Variants in SPECC1 observed in about 807,000 individuals in gnomAD.
SPECC1 encodes sperm antigen with calponin homology and coiled-coil domains 1.
A neutral mutation model predicts 104.1 loss-of-function variants in SPECC1; 62 were observed. The observed-to-expected ratio is 0.60, with a 90% confidence interval of 0.49 to 0.74. The LOEUF is 0.74. SPECC1 is among the 30% of genes least tolerant of loss of function. SPECC1 has a pLI of 0.00. For synonymous variants in SPECC1, 513 were observed against 501.6 expected, an observed-to-expected ratio of 1.02 and a Z score of -0.30; for missense variants, 1,306 against 1,310.5, an observed-to-expected ratio of 1.00 and a Z score of 0.05.
intron 3 of SPECC1, among the ~76,000 whole-genome samples, chr17:20,168,418 C>T (rs2033832823): frequency 6.6e-6 from 1 of 152,172 alleles, no homozygotes; most frequent in Non-Finnish European, 1.5e-5. Context: ...ACCTCATAAA[C>T]ATTTAATTCC....
chr17:20,084,668 A>G (rs2047109041), intron 1 of SPECC1, among the ~76,000 whole-genome samples: 1 of 152,200 alleles, frequency 6.6e-6, no homozygotes, highest in African/African-American at 2.4e-5. Context: ...TTTATTGCTC[A>G]TATTTTTGGT....
chr17:20,039,006 A>G (rs1173378533), intron 1 of SPECC1, among the ~76,000 whole-genome samples: 3 of 152,136 alleles, frequency 2.0e-5, no homozygotes, highest in African/African-American at 7.2e-5. Context: ...GGCCTTTTTT[A>G]TATTTGTAGA....
intron 13 of SPECC1, among the ~76,000 whole-genome samples, chr17:20,302,395 G>C (rs1014522825): frequency 7.9e-5 from 12 of 152,152 alleles, no homozygotes; most frequent in African/African-American, 2.9e-4. Context: ...ACAGCCCGTG[G>C]GGGAAGTGAG....
chr17:20,305,161 C>T (rs1417805310), intron 13 of SPECC1, among the ~76,000 whole-genome samples: 1 of 151,940 alleles, frequency 6.6e-6, no homozygotes, highest in Non-Finnish European at 1.5e-5. Context: ...TTCTGTGATG[C>T]CGCTTGTGGT....
Position 20,205,409 on chromosome 17 carries a change from G to A in SPECC1, c.1360G>A (p.Glu454Lys). The change falls in exon 4 of 15, where the codon GAA becomes AAA. Residue 454 changes from glutamate (E) to lysine (K), a missense_variant. By Grantham distance (56) the Glu-to-Lys change is moderately conservative (BLOSUM62 1). Transcript: ENST00000395527. ...TCTTTTACAAGAGCGAGTAAAGAATGAAGAGCCCACCACTCAGGAAGGAAA... is the reference window on the plus strand; with the variant it reads ...TCTTTTACAAGAGCGAGTAAAGAATAAAGAGCCCACCACTCAGGAAGGAAA... ...MNLLQERVKN[E>K]EPTTQEGKII... 6.2e-7 allele frequency: 1 copy of A among 1,614,002 alleles called. No individual in the cohort carries two copies. The highest frequency in any genetic ancestry group is 1.1e-5 in the South Asian group (1 of 91,028).
intron 4 of SPECC1, among the ~76,000 whole-genome samples, chr17:20,207,195 A>G (rs2036844748): frequency 6.6e-6 from 1 of 152,130 alleles, no homozygotes; most frequent in Non-Finnish European, 1.5e-5. Context: ...TTATGCCATG[A>G]GCTCTCAGGG....
chr17:20,241,532 T>C (rs1359945526), intron 7 of SPECC1, among the ~76,000 whole-genome samples: 1 of 152,164 alleles, frequency 6.6e-6, no homozygotes, highest in Non-Finnish European at 1.5e-5. Context: ...GCCCTTGGTA[T>C]TGTATTTTCA....
intron 1 of SPECC1, among the ~76,000 whole-genome samples, chr17:20,021,811 C>T (rs1488638415): frequency 2.7e-5 from 4 of 147,884 alleles, no homozygotes; most frequent in African/African-American, 7.4e-5. Context: ...GGTGGGATTA[C>T]AGGCGTGAGC....
At position 20,214,143 on chromosome 17, in the gene SPECC1, C is replaced by T. The variant is rs139164722; in HGVS notation, c.1863+8231C>T. 7.9e-4 allele frequency among the ~76,000 whole-genome samples: 120 copies of T among 152,324 alleles called. 1 individual carries two copies. The highest frequency in any genetic ancestry group is 5.1e-3 in the Admixed American group (78 of 15,306). On this transcript the variant is annotated intron_variant, in intron 4 of 14. Transcript: ENST00000395527. Reference sequence around the variant, plus strand: ...TTATACACATGGAACCCACGCCCTGCGGCCTCAAGCAGCCCTCCCACTTTA... The same window carrying T: ...TTATACACATGGAACCCACGCCCTGTGGCCTCAAGCAGCCCTCCCACTTTA...
At chr17:20,226,226 C>T (rs746865712) in intron 4 of SPECC1, among the ~76,000 whole-genome samples, 6 of 152,140 alleles carry the variant, frequency 3.9e-5, no homozygotes, top group Non-Finnish European at 5.9e-5. Flanking sequence ...TATAGTCAAA[C>T]AGTGGAATAC....
chr17:20,204,607 G>A lies in SPECC1; in HGVS notation c.558G>A (p.Arg186=), dbSNP rs1248274680. 1.2e-6 allele frequency: 2 copies of A among 1,614,198 alleles called. No homozygotes were observed. The highest frequency in any genetic ancestry group is 1.3e-5 in the African/African-American group (1 of 75,050). ...EAKAKDSEIN[R]LRSELKKYKE... is the part of the protein sequence containing the mutation. ...AAGCAAAAGATAGTGAAATTAACAG[G>A]CTTCGAAGTGAACTAAAGAAATACA... The change falls in exon 4 of 15, where the codon AGG becomes AGA. Residue 186 remains arginine, a synonymous_variant. Transcript: ENST00000395527.
intron 4 of SPECC1, among the ~76,000 whole-genome samples, chr17:20,221,586 A>T (rs940295204): frequency 6.6e-6 from 1 of 151,682 alleles, no homozygotes; most frequent in South Asian, 2.1e-4. Context: ...AATTTTGTTT[A>T]TCTTTTCAAA....
chr17:20,053,642 G>C (rs1476443358), intron 1 of SPECC1, among the ~76,000 whole-genome samples: 1 of 152,210 alleles, frequency 6.6e-6, no homozygotes, highest in Non-Finnish European at 1.5e-5. Context: ...GCTATAGAGA[G>C]GCTCACTTGG....
chr17:20,310,149 C>G (rs755617805), intron 14 of SPECC1, among the ~76,000 whole-genome samples: 7 of 151,962 alleles, frequency 4.6e-5, no homozygotes, highest in Non-Finnish European at 7.4e-5. Context: ...TTGATGGACA[C>G]CTAGGTTGAT....
chr17:20,293,476 C>T (rs1011065599), intron 12 of SPECC1, among the ~76,000 whole-genome samples: 5 of 152,180 alleles, frequency 3.3e-5, no homozygotes, highest in Admixed American at 6.5e-5. Flanking sequence ...AGAGAGTTAA[C>T]TTGTTGTAGG....
chr17:20,237,965 C>T, intron 7 of SPECC1: 1 of 896,714 alleles, frequency 1.1e-6, no homozygotes, highest in Non-Finnish European at 1.4e-6. Flanking sequence ...TGGTCTCGAA[C>T]TCCTGACCTC....
chr17:20,300,195 C>T (rs1027333795), intron 13 of SPECC1, among the ~76,000 whole-genome samples: 3 of 152,160 alleles, frequency 2.0e-5, no homozygotes, highest in Non-Finnish European at 1.5e-5. Flanking sequence ...AGGAACACAC[C>T]TGGGAACCCC....
rs529325736 is a variant in SPECC1 at position 20,317,416 on chromosome 17, A to G, written c.*3351A>G. Reference sequence around the variant, plus strand: ...GCTGGGATTATAGGCACATGCCACCATGCCTGGCATATTTTTGTATTTTTA... The same window carrying G: ...GCTGGGATTATAGGCACATGCCACCGTGCCTGGCATATTTTTGTATTTTTA... On this transcript the variant is annotated 3_prime_UTR_variant, in exon 15 of 15. Transcript: ENST00000395527. 1.7e-5 allele frequency: 3 copies of G among 173,990 alleles called. No individual in the cohort carries two copies. The Admixed American group carries it at 1.9e-4, about 11-fold the overall frequency. 10.8% of individuals were successfully genotyped at this position (173,990 alleles called of 1,614,324 possible). A position where few individuals can be genotyped will look rare whatever the true frequency, so the allele number is the denominator to read the frequency against.
At chr17:20,119,937 T>C (rs971187528) in intron 3 of SPECC1, among the ~76,000 whole-genome samples, 1 of 152,218 alleles carries the variant, frequency 6.6e-6, no homozygotes, top group Non-Finnish European at 1.5e-5. Context: ...AAATGCTCAC[T>C]GGGGCATTTT....
Sources: allele counts gnomAD v4.1 joint callset (sites outside exome capture counted in the v4.1 genomes callset), GRCh38; gene constraint gnomAD v4.1.1; transcripts MANE v1.5; gene names NCBI Gene and HGNC (gene_info 2026-07-23, HGNC 2026-07-21).